TSHZ3: variants seen among roughly 807,000 people sequenced by gnomAD.
TSHZ3 encodes teashirt zinc finger homeobox 3, also known as teashirt homolog 3.
A neutral mutation model predicts 64.5 loss-of-function variants in TSHZ3; 10 were observed. The ratio of observed to expected loss-of-function variants is 0.16; its 90% CI spans 0.10 to 0.26. The LOEUF (loss-of-function observed/expected upper bound fraction) is 0.26. Ranked by LOEUF, TSHZ3 falls within the 10% of genes least tolerant of loss-of-function variation. TSHZ3 has a pLI of 1.00. For missense variants in TSHZ3, 1,242 were observed against 1,421.7 expected, an observed-to-expected ratio of 0.87 and a Z score of 2.03; for synonymous variants, 608 against 593.1, an observed-to-expected ratio of 1.03 and a Z score of -0.36.
intron 1 of TSHZ3, among the ~76,000 whole-genome samples, chr19:31,253,958 A>G (rs374910184): frequency 1.1e-4 from 16 of 152,338 alleles, no homozygotes; most frequent in African/African-American, 3.8e-4. Flanking sequence ...AAAGGCTGTC[A>G]AAGGACAGCT....
chr19:31,261,022 C>T (rs1216005125), intron 1 of TSHZ3, among the ~76,000 whole-genome samples: 1 of 152,204 alleles, frequency 6.6e-6, no homozygotes, highest in African/African-American at 2.4e-5. Context: ...AGGATGCCTG[C>T]ATTCTCCTAG....
At chr19:31,297,654 G>C (rs1046847580) in intron 1 of TSHZ3, among the ~76,000 whole-genome samples, 1 of 151,974 alleles carries the variant, frequency 6.6e-6, no homozygotes, top group Admixed American at 6.6e-5. Flanking sequence ...TTTTTGTAGA[G>C]TCAGGGTCTA....
chr19:31,337,013 A>ATTTTT lies in TSHZ3; in HGVS notation c.40+12162_40+12166dup, dbSNP rs57786560. On this transcript the variant is annotated intron_variant, in intron 1 of 1. Coordinates refer to ENST00000240587, the MANE Select transcript of TSHZ3 (RefSeq NM_020856.4). ...TCTTCCTTTCTTTTTCTTTTTTTCT[A>ATTTTT]TTTTTTTTTTTTTTTTTTACAGGCA... Among the ~76,000 whole-genome samples, 697 of 131,422 alleles carry ATTTTT rather than the reference A, an allele frequency of 5.3e-3. 4 individuals carry two copies. Among genetic ancestry groups the ATTTTT allele is most frequent in the African/African-American group, 0.011 (381 of 35,604 alleles). The allele number at this position is 131,422 out of a possible 152,430, so 86.2% of individuals were successfully genotyped here. A position where few individuals can be genotyped will look rare whatever the true frequency, so the allele number is the denominator to read the frequency against.
At position 31,277,922 on chromosome 19, in the gene TSHZ3, A is replaced by G. The variant is rs200334967; in HGVS notation, c.1871T>C (p.Val624Ala). ...ATCCGGCTCCTTCATCTTCTCCTCC[A>G]CTTTGGCAACTTTCTCAGTGACCTT... The part of the protein sequence containing the change: ...VKKVTEKVAK[V>A]EEKMKEPDGK... Residue 624 changes from valine to alanine, a missense_variant, in exon 2 of 2, where the codon GTG becomes GCG. Transcript: ENST00000240587. The surrounding 1 kb of genome is among the most constrained non-coding windows in gnomAD (Gnocchi z 4.5). 1.1e-4 allele frequency: 180 copies of G among 1,614,060 alleles called. 2 individuals are homozygous for G. In the Middle Eastern group the frequency reaches 1.7e-3, roughly 15 times the overall value.
At chr19:31,268,665 A>G (rs1349744047) in intron 1 of TSHZ3, among the ~76,000 whole-genome samples, 1 of 152,178 alleles carries the variant, frequency 6.6e-6, no homozygotes, top group Non-Finnish European at 1.5e-5. Flanking sequence ...GAAAGTAGTG[A>G]GGTGAGCTTG....
At chr19:31,201,536 G>A (rs1207288090) in intron 5 of TSHZ3, among the ~76,000 whole-genome samples, 1 of 152,122 alleles carries the variant, frequency 6.6e-6, no homozygotes, top group Non-Finnish European at 1.5e-5. Flanking sequence ...ACTGACTAAA[G>A]GAATAAATAA....
At chr19:31,309,733 G>T (rs771804890) in intron 1 of TSHZ3, among the ~76,000 whole-genome samples, 5 of 152,184 alleles carry the variant, frequency 3.3e-5, no homozygotes, top group Non-Finnish European at 7.3e-5. Context: ...ACTGTTGCAG[G>T]AATATTATTC....
intron 1 of TSHZ3, among the ~76,000 whole-genome samples, chr19:31,263,691 G>T (rs572157123): frequency 6.6e-6 from 1 of 152,136 alleles, no homozygotes. Flanking sequence ...GATCCTGTGG[G>T]TCCCCCCCAC....
intron 3 of TSHZ3, among the ~76,000 whole-genome samples, chr19:31,231,171 A>G (rs547430729): frequency 6.6e-6 from 1 of 152,308 alleles, no homozygotes; most frequent in East Asian, 1.9e-4. Context: ...CTATACAGAT[A>G]GCATCTCATT....
intron 4 of TSHZ3, among the ~76,000 whole-genome samples, chr19:31,224,752 A>G (rs1158907505): frequency 6.6e-6 from 1 of 152,238 alleles, no homozygotes; most frequent in Non-Finnish European, 1.5e-5. Context: ...GAAAAAATTA[A>G]AAACAATAAA....
intron 4 of TSHZ3, among the ~76,000 whole-genome samples, chr19:31,209,262 T>C (rs1270639054): frequency 1.3e-5 from 2 of 152,168 alleles, no homozygotes; most frequent in East Asian, 1.9e-4. Context: ...GTTTGGAGAC[T>C]CCAATTGCAA....
upstream of TSHZ3, among the ~76,000 whole-genome samples, chr19:31,350,187 C>A (rs2021674275): frequency 6.6e-6 from 1 of 150,622 alleles, no homozygotes; most frequent in African/African-American, 2.4e-5. Context: ...AGCCAGAGCC[C>A]ACGGGCAGGC....
At chr19:31,236,949 G>T (rs1287529729) in intron 3 of TSHZ3, among the ~76,000 whole-genome samples, 2 of 152,194 alleles carry the variant, frequency 1.3e-5, no homozygotes, top group Non-Finnish European at 1.5e-5. Context: ...AGGAGTTTGA[G>T]ACCAGCCTGG....
chr19:31,290,069 G>A (rs1568370619), intron 1 of TSHZ3, among the ~76,000 whole-genome samples: 1 of 152,096 alleles, frequency 6.6e-6, no homozygotes, highest in South Asian at 2.1e-4. Flanking sequence ...CCCTTCTCAG[G>A]GGAACCACAC....
chr19:31,323,084 C>T (rs1266342116), intron 1 of TSHZ3, among the ~76,000 whole-genome samples: 8 of 152,158 alleles, frequency 5.3e-5, no homozygotes, highest in African/African-American at 1.4e-4. Context: ...GCTTTTTTCA[C>T]GCAACATTGG....
rs745775592 is a variant in TSHZ3 at position 31,279,712 on chromosome 19, G to A, written c.81C>T (p.Asp27=). The change falls in exon 2 of 2, where the codon GAC becomes GAT. Residue 27 remains aspartate (D), a synonymous_variant. Transcript: ENST00000240587. This position sits in a 1 kb window ranked among gnomAD's most constrained non-coding sequence, Gnocchi z 6.4. ...SEELKAAALV[D]EGLDPEEHTA... ...TATGCTCCTCTGGGTCTAAACCTTC[G>A]TCCACCAGGGCAGCAGCCTTTAACT... is the stretch of plus-strand genomic sequence containing the variant. The A allele has an allele frequency of 5.2e-5, 80 of 1,527,848 alleles. No homozygotes were observed. Among genetic ancestry groups the A allele is most frequent in the Middle Eastern group, 1.8e-4 (1 of 5,654 alleles). The allele number at this position is 1,527,848 out of a possible 1,614,324, so 94.6% of individuals were successfully genotyped here. A position where few individuals can be genotyped will look rare whatever the true frequency, so the allele number is the denominator to read the frequency against.
intron 5 of TSHZ3, among the ~76,000 whole-genome samples, chr19:31,193,006 C>G (rs1207120187): frequency 6.6e-6 from 1 of 152,170 alleles, no homozygotes; most frequent in Non-Finnish European, 1.5e-5. Flanking sequence ...TAGGTACCTA[C>G]AGGGGCCTCC....
chr19:31,201,528 T>G (rs1417790213), intron 5 of TSHZ3, among the ~76,000 whole-genome samples: 2 of 152,152 alleles, frequency 1.3e-5, no homozygotes, highest in Non-Finnish European at 2.9e-5. Flanking sequence ...GGAAAAAAAC[T>G]GACTAAAGGA....
chr19:31,160,150 C>T (rs189443018), intron 5 of TSHZ3, among the ~76,000 whole-genome samples: 1 of 152,046 alleles, frequency 6.6e-6, no homozygotes, highest in Non-Finnish European at 1.5e-5. Flanking sequence ...TACTGTTGTT[C>T]TTTATGTATT....
Sources: allele counts gnomAD v4.1 joint callset (sites outside exome capture counted in the v4.1 genomes callset), GRCh38; gene constraint gnomAD v4.1.1; non-coding constraint Gnocchi (gnomAD v3.1); transcripts MANE v1.5; gene names NCBI Gene and HGNC (gene_info 2026-07-23, HGNC 2026-07-21).